Variants in PLD5 observed in about 807,000 individuals in gnomAD.
PLD5 encodes the protein inactive phospholipase D5.
PLD5 carries 36 observed loss-of-function variants against 61.1 expected under a neutral mutation model. That is an observed-to-expected ratio of 0.59 (90% CI 0.45 to 0.78). PLD5 has a LOEUF of 0.78. PLD5 is among the 30% of genes least tolerant of loss of function. PLD5 has a pLI of 0.00. For missense variants in PLD5, 515 were observed against 644.4 expected (o/e 0.80, Z 2.17); for synonymous variants, 243 against 242.8 (o/e 1.00, Z -0.01).
rs1263090632 is a variant in PLD5 at position 242,106,111 on chromosome 1, G to C, written c.1239+1560C>G. 3.9e-5 allele frequency among the ~76,000 whole-genome samples: 6 copies of C among 152,138 alleles called. No individual in the cohort carries two copies. The East Asian group carries it at 1.2e-3, about 29-fold the overall frequency. ...CCAGAAGAGTTTTATAATTGCTGTG[G>C]ACCAGGAACTGCCATGGGCCTCCAA... On this transcript the variant is annotated intron_variant, in intron 8 of 9. Transcript: ENST00000536534.
chr1:242,329,013 TTTATTA>T (rs1488818820), intron 2 of PLD5, among the ~76,000 whole-genome samples: 2 of 28,750 alleles, frequency 7.0e-5, no homozygotes, highest in African/African-American at 1.8e-4. Flanking sequence ...GTTTTATTTA[TTTATTA>T]TTTTTTTGAG....
chr1:242,204,156 T>C (rs796836221), intron 5 of PLD5, among the ~76,000 whole-genome samples: 36 of 151,426 alleles, frequency 2.4e-4, no homozygotes, highest in African/African-American at 8.0e-4. Flanking sequence ...GGCAGGTGAA[T>C]GGCGTGAACC....
Position 242,192,968 on chromosome 1 carries a change from C to G in PLD5, c.735+27020G>C, listed in dbSNP as rs1048317217. On this transcript the variant is annotated intron_variant, in intron 5 of 9. Coordinates refer to ENST00000536534, the MANE Select transcript of PLD5 (RefSeq NM_001372062.1). ...TCTCTCTCTGCCCCCACCCCAATAC[C>G]CCTCTTCTCTCATAACTGAGCCTTG... Among the ~76,000 whole-genome samples the G allele has an allele frequency of 5.9e-5, 9 of 151,954 alleles. No homozygotes were observed. The East Asian group carries it at 1.4e-3, about 23-fold the overall frequency.
At chr1:242,216,887 T>C (rs905785893) in intron 5 of PLD5, among the ~76,000 whole-genome samples, 1 of 152,198 alleles carries the variant, frequency 6.6e-6, no homozygotes, top group African/African-American at 2.4e-5. Context: ...GCTGGTGATT[T>C]TAAGTTGAAG....
At chr1:242,115,924 A>C (rs1661911968) in intron 6 of PLD5, among the ~76,000 whole-genome samples, 1 of 152,190 alleles carries the variant, frequency 6.6e-6, no homozygotes, top group Admixed American at 6.5e-5. Context: ...TGGTGTTTGT[A>C]GATGGAGTTG....
chr1:242,474,774 C>A (rs1426938890), intron 1 of PLD5, among the ~76,000 whole-genome samples: 1 of 152,166 alleles, frequency 6.6e-6, no homozygotes, highest in East Asian at 1.9e-4. Flanking sequence ...GGCGCCCCTG[C>A]ATCCATCACA....
At chr1:242,126,323 A>G (rs1022603042) in intron 5 of PLD5, among the ~76,000 whole-genome samples, 3 of 152,242 alleles carry the variant, frequency 2.0e-5, no homozygotes, top group African/African-American at 7.2e-5. Context: ...TCTAAAATTC[A>G]TATGGGACGA....
At chr1:242,427,273 T>G (rs1558557749) in intron 1 of PLD5, among the ~76,000 whole-genome samples, 1 of 152,216 alleles carries the variant, frequency 6.6e-6, no homozygotes, top group Non-Finnish European at 1.5e-5. Context: ...TGTAGAAAGT[T>G]TCTAGAGTAA....
At chr1:242,286,901 G>A (rs1012783044) in intron 3 of PLD5, among the ~76,000 whole-genome samples, 12 of 152,190 alleles carry the variant, frequency 7.9e-5, no homozygotes, top group African/African-American at 2.9e-4. Context: ...TAAGGTGAAT[G>A]TGTTTTGCAT....
chr1:242,158,763 C>A (rs541910445), intron 5 of PLD5, among the ~76,000 whole-genome samples: 1 of 152,110 alleles, frequency 6.6e-6, no homozygotes, highest in African/African-American at 2.4e-5. Context: ...CCTATTCAGC[C>A]GTCTTGCCAT....
chr1:242,261,579 G>A (rs1345513883), intron 4 of PLD5, among the ~76,000 whole-genome samples: 1 of 152,180 alleles, frequency 6.6e-6, no homozygotes, highest in East Asian at 1.9e-4. Flanking sequence ...TCAAATGGAT[G>A]AAGATATATG....
At chr1:242,387,790 T>C (rs554348900) in intron 1 of PLD5, among the ~76,000 whole-genome samples, 27 of 150,914 alleles carry the variant, frequency 1.8e-4, no homozygotes, top group African/African-American at 6.3e-4. Flanking sequence ...ACGAAAGCTG[T>C]TTACAGGAAT....
intron 5 of PLD5, among the ~76,000 whole-genome samples, chr1:242,204,686 T>A (rs1325194223): frequency 1.3e-5 from 2 of 152,142 alleles, no homozygotes; most frequent in Non-Finnish European, 2.9e-5. Flanking sequence ...TGTTTTAGCC[T>A]CCCATTTGGC....
At chr1:242,384,899 T>C (rs1662512195) in intron 1 of PLD5, among the ~76,000 whole-genome samples, 1 of 152,230 alleles carries the variant, frequency 6.6e-6, no homozygotes, top group African/African-American at 2.4e-5. Flanking sequence ...TATGGGATTC[T>C]TGCTAGTAGT....
chr1:242,479,640 C>T (rs1405720470), intron 1 of PLD5, among the ~76,000 whole-genome samples: 1 of 151,834 alleles, frequency 6.6e-6, no homozygotes, highest in Non-Finnish European at 1.5e-5. Flanking sequence ...AATAAAAATC[C>T]CAAGAGACTT....
At chr1:242,168,113 T>C (rs748109645) in intron 5 of PLD5, among the ~76,000 whole-genome samples, 25 of 152,246 alleles carry the variant, frequency 1.6e-4, no homozygotes, top group Non-Finnish European at 2.5e-4. Flanking sequence ...AATAATCTTA[T>C]AGATGTTTGT....
chr1:242,402,675 C>T (rs1163163515), intron 1 of PLD5, among the ~76,000 whole-genome samples: 1 of 152,194 alleles, frequency 6.6e-6, no homozygotes, highest in African/African-American at 2.4e-5. Context: ...TTTTTCTCTA[C>T]AACCAGTATT....
At chr1:242,515,021 A>T (rs528130840) in intron 1 of PLD5, among the ~76,000 whole-genome samples, 1 of 152,208 alleles carries the variant, frequency 6.6e-6, no homozygotes, top group African/African-American at 2.4e-5. Context: ...GGAAATCTAC[A>T]TAAAGATGCA....
chr1:242,420,220 T>A lies in PLD5; in HGVS notation c.190-71978A>T, dbSNP rs1456764690. ...GGATACAGCATATGCATAAGAAAAC[T>A]GAGATTTAAAAAGATTAAGTTACTT... On this transcript the variant is annotated intron_variant, in intron 1 of 9. Transcript: ENST00000536534. Among the ~76,000 whole-genome samples the A allele has an allele frequency of 2.6e-5, 4 of 152,202 alleles. No individual in the cohort carries two copies. The East Asian group carries it at 7.7e-4, about 29-fold the overall frequency.
Sources: gnomAD v4.1 joint callset for allele counts (sites outside exome capture counted in the v4.1 genomes callset) on GRCh38, gnomAD v4.1.1 for gene constraint, MANE v1.5 for transcripts, NCBI Gene and HGNC (gene_info 2026-07-23, HGNC 2026-07-21) for gene names.